SCAF4: variants seen among roughly 807,000 people sequenced by gnomAD.
SCAF4 encodes SR-related and CTD-associated factor 4.
In SCAF4, 25 loss-of-function variants were observed where a neutral mutation model predicts 129.8. That is an observed-to-expected ratio of 0.19 (90% CI 0.14 to 0.27). The LOEUF is 0.27. Among genes scored for constraint, SCAF4 ranks in the 10% least tolerant of loss-of-function variants. The pLI, the probability that SCAF4 is intolerant of heterozygous loss-of-function variation, is 1.00. For missense variants in SCAF4, 1,246 were observed against 1,457.1 expected, an observed-to-expected ratio of 0.86 and a Z score of 2.36; for synonymous variants, 551 against 497.7, an observed-to-expected ratio of 1.11 and a Z score of -1.43.
intron 2 of SCAF4, among the ~76,000 whole-genome samples, chr21:31,705,923 G>A (rs1003168984): frequency 2.6e-5 from 4 of 152,204 alleles, no homozygotes; most frequent in African/African-American, 9.6e-5. Context: ...ACTGCTTTGA[G>A]GCTGGGCGTG....
chr21:31,691,009 G>A, intron 14 of SCAF4, 56 bp from the exon 15 acceptor site: 1 of 1,465,580 alleles, frequency 6.8e-7, no homozygotes, highest in Non-Finnish European at 9.3e-7. Flanking sequence ...CGTAAGTCTT[G>A]AGGGTATTAT....
intron 1 of SCAF4, among the ~76,000 whole-genome samples, chr21:31,710,502 T>C (rs1028493890): frequency 1.3e-5 from 2 of 152,118 alleles, no homozygotes; most frequent in African/African-American, 4.8e-5. Context: ...TGAGCCGAGA[T>C]GGTGCCACTA....
intron 16 of SCAF4, among the ~76,000 whole-genome samples, chr21:31,686,221 A>AC (rs2050120775): frequency 6.6e-6 from 1 of 151,560 alleles, no homozygotes; most frequent in South Asian, 2.1e-4. Context: ...AAAAAAGAAA[A>AC]AAAAAAAAAA....
intron 18 of SCAF4, 36 bp downstream of exon 18, chr21:31,685,359 CAAG>C: frequency 6.4e-7 from 1 of 1,568,836 alleles, no homozygotes; most frequent in Non-Finnish European, 8.7e-7. Flanking sequence ...CACCCAGCTC[CAAG>C]AGGATAAGCA....
chr21:31,712,914 A>T (rs1198699984), intron 1 of SCAF4: 1 of 957,864 alleles, frequency 1.0e-6, no homozygotes, highest in Non-Finnish European at 1.2e-6. Context: ...TAAAATAATC[A>T]GTGCTTAATA....
At chr21:31,696,480 CATT>C in intron 8 of SCAF4, 86 bp downstream of exon 8, 3 of 1,224,528 alleles carry the variant, frequency 2.4e-6, no homozygotes. Context: ...CTTCATAGAA[CATT>C]GTTGTCATTG....
chr21:31,671,497 C>G lies in SCAF4; in HGVS notation c.3346G>C (p.Ala1116Pro), dbSNP rs2049691570. The G allele has an allele frequency of 6.2e-7, 1 of 1,614,206 alleles. No homozygotes were observed. Among genetic ancestry groups the G allele is most frequent in the African/African-American group, 1.3e-5 (1 of 75,046 alleles). ...ASELEKGVSE[A>P]AVLKPSEELP... is the part of the protein sequence containing the mutation. Reference sequence around the variant, plus strand: ...TCTTCAGAAGGCTTTAGGACTGCAGCCTCAGACACCCCCTTCTCAAGTTCT... The same window carrying G: ...TCTTCAGAAGGCTTTAGGACTGCAGGCTCAGACACCCCCTTCTCAAGTTCT... Residue 1116 changes from alanine (A) to proline (P), a missense_variant, in exon 20 of 20, where the codon GCT becomes CCT. Physicochemically the swap from Ala to Pro is conservative, Grantham distance 27. This residue lies in a region of SCAF4 where 339 missense variants were observed against 325.0 expected (regional missense o/e 1.04). Coordinates refer to ENST00000286835, the MANE Select transcript of SCAF4 (RefSeq NM_020706.2).
intron 19 of SCAF4, among the ~76,000 whole-genome samples, chr21:31,682,444 T>C (rs2050018953): frequency 6.6e-6 from 1 of 152,150 alleles, no homozygotes; most frequent in Admixed American, 6.5e-5. Context: ...ACAGATGAAG[T>C]AATGTAATTT....
Position 31,693,284 on chromosome 21 carries a change from G to C in SCAF4, c.1513+10C>G, listed in dbSNP as rs539022007. On this transcript the variant is annotated intron_variant, in intron 12 of 19. Coordinates refer to ENST00000286835, the MANE Select transcript of SCAF4 (RefSeq NM_020706.2). Reference sequence around the variant, plus strand: ...TAGTACATGAGGTTTGAATATAAAGGTTGAGTTACCACTTGCAGTTTCCGG... The same window carrying C: ...TAGTACATGAGGTTTGAATATAAAGCTTGAGTTACCACTTGCAGTTTCCGG... 1 of 1,450,268 alleles carries C rather than the reference G, an allele frequency of 6.9e-7. No homozygotes were observed. The highest frequency in any genetic ancestry group is 2.2e-5 in the Admixed American group (1 of 46,092). The allele number at this position is 1,450,268 out of a possible 1,614,324, so 89.8% of individuals were successfully genotyped here. A position where few individuals can be genotyped will look rare whatever the true frequency, so the allele number is the denominator to read the frequency against.
intron 1 of SCAF4, among the ~76,000 whole-genome samples, chr21:31,719,873 T>G (rs921174928): frequency 6.6e-6 from 1 of 152,236 alleles, no homozygotes; most frequent in Non-Finnish European, 1.5e-5. Flanking sequence ...AACTTTCCAC[T>G]TTTAGAATCA....
intron 7 of SCAF4, among the ~76,000 whole-genome samples, chr21:31,699,067 AC>A (rs2050456089): frequency 1.3e-5 from 2 of 152,176 alleles, no homozygotes; most frequent in Admixed American, 1.3e-4. Context: ...GAGACGGGAT[AC>A]CAGGAAATGA....
chr21:31,677,545 T>G (rs1351842215), intron 19 of SCAF4, among the ~76,000 whole-genome samples: 1 of 152,176 alleles, frequency 6.6e-6, no homozygotes, highest in Non-Finnish European at 1.5e-5. Context: ...TGAAAGCACT[T>G]TTCTCACAGT....
At chr21:31,721,725 C>CTTT (rs1030749806) in intron 1 of SCAF4, among the ~76,000 whole-genome samples, 3,687 of 125,358 alleles carry the variant, frequency 0.029, 103 homozygotes, top group Non-Finnish European at 0.047. Flanking sequence ...AAGAGCAATT[C>CTTT]TTTTTTTTTT....
At chr21:31,704,999 C>T (rs1007299410) in intron 3 of SCAF4, among the ~76,000 whole-genome samples, 3 of 151,978 alleles carry the variant, frequency 2.0e-5, no homozygotes, top group Non-Finnish European at 2.9e-5. Context: ...CAGATGTGTG[C>T]CAATCACACA....
At chr21:31,725,902 AT>A (rs1397227430) in intron 1 of SCAF4, among the ~76,000 whole-genome samples, 1 of 152,172 alleles carries the variant, frequency 6.6e-6, no homozygotes, top group Non-Finnish European at 1.5e-5. Context: ...TAAAAATGTT[AT>A]TTATATTAAC....
At chr21:31,724,636 T>C (rs2051155886) in intron 1 of SCAF4, among the ~76,000 whole-genome samples, 1 of 152,220 alleles carries the variant, frequency 6.6e-6, no homozygotes, top group East Asian at 1.9e-4. Flanking sequence ...AAAAAGTTAC[T>C]TCCAATTCTG....
chr21:31,696,820 A>AGTTTATG, intron 7 of SCAF4, 70 bp from the exon 8 acceptor site: 1 of 1,322,412 alleles, frequency 7.6e-7, no homozygotes, highest in Non-Finnish European at 1.1e-6. Flanking sequence ...CTTTATGAAA[A>AGTTTATG]CAAGGGATGT....
chr21:31,677,054 T>C (rs1215030584), intron 19 of SCAF4, among the ~76,000 whole-genome samples: 1 of 152,214 alleles, frequency 6.6e-6, no homozygotes, highest in East Asian at 1.9e-4. Context: ...TTCCGTGATA[T>C]GAATATACCA....
intron 16 of SCAF4, among the ~76,000 whole-genome samples, chr21:31,687,212 T>C (rs537135991): frequency 1.3e-3 from 205 of 152,318 alleles, no homozygotes; most frequent in Non-Finnish European, 2.4e-3. Flanking sequence ...AAAAATCCAG[T>C]AGATCACACA....
Sources: gnomAD v4.1 joint callset for allele counts (sites outside exome capture counted in the v4.1 genomes callset) on GRCh38, gnomAD v4.1.1 for gene constraint, gnomAD v4.1.1 regional missense constraint, MANE v1.5 for transcripts, NCBI Gene and HGNC (gene_info 2026-07-23, HGNC 2026-07-21) for gene names.